The following TTBK1 variants were observed in gnomAD, a reference collection of about 807,000 sequenced individuals.
TTBK1 encodes the protein tau-tubulin kinase 1.
TTBK1 carries 34 observed loss-of-function variants against 108.5 expected under a neutral mutation model. The ratio of observed to expected loss-of-function variants is 0.31; its 90% CI spans 0.24 to 0.42. The LOEUF is 0.42. Among genes scored for constraint, TTBK1 ranks in the 10% least tolerant of loss-of-function variants. The probability of loss-of-function intolerance (pLI) is 1.00; values close to 1 mark genes in which losing one functional copy is unlikely to be tolerated. For synonymous variants in TTBK1, 809 were observed against 795.1 expected (o/e 1.02, Z -0.29); for missense variants, 1,539 against 1,826.0 (o/e 0.84, Z 2.86).
At position 43,253,866 on chromosome 6, in the gene TTBK1, C is replaced by T. The variant is rs1368983075; in HGVS notation, c.471+158C>T. Among the ~76,000 whole-genome samples, 1 of 152,192 alleles carries T rather than the reference C, an allele frequency of 6.6e-6. No homozygotes were observed. The highest frequency in any genetic ancestry group is 2.4e-5 in the African/African-American group (1 of 41,438). On this transcript the variant is annotated intron_variant, in intron 5 of 14. Coordinates refer to ENST00000259750, the MANE Select transcript of TTBK1 (RefSeq NM_032538.3). The surrounding 1 kb of genome is among the most constrained non-coding windows in gnomAD (Gnocchi z 5.8). ...CCCTCCTGCTCTCCTTCCCAGGCCC[C>T]ATCTCTTCCTCTCCCGTGCTCCCCA...
intron 13 of TTBK1, among the ~76,000 whole-genome samples, chr6:43,277,523 C>G (rs554593852): frequency 6.6e-6 from 1 of 152,376 alleles, no homozygotes; most frequent in African/African-American, 2.4e-5. Flanking sequence ...AAGACGCCCC[C>G]CACAGGCTGT....
At chr6:43,252,654 A>C (rs1777276093) in intron 2 of TTBK1, 85 bp from the exon 3 acceptor site, 2 of 1,486,746 alleles carry the variant, frequency 1.3e-6, no homozygotes, top group Admixed American at 4.1e-5. Flanking sequence ...CTTCCCCACC[A>C]ATGAAGGATG....
In TTBK1 at chr6:43,283,830, G is replaced by A. The variant is rs771170940; in HGVS notation, c.3090G>A (p.Leu1030=). The change falls in exon 14 of 15, where the codon CTG becomes CTA. Residue 1030 remains leucine (L), a synonymous_variant. Coordinates refer to ENST00000259750, the MANE Select transcript of TTBK1 (RefSeq NM_032538.3). This position sits in a 1 kb window ranked among gnomAD's most constrained non-coding sequence, Gnocchi z 8.1. ...LADGPAPVSP[L]EPSPEKVATI... is the part of the protein sequence containing the mutation. The stretch of plus-strand genomic sequence containing the variant: ...ACGGGCCAGCCCCGGTGTCCCCGCT[G>A]GAGCCAAGCCCTGAGAAAGTGGCCA... The A allele has an allele frequency of 2.5e-6, 4 of 1,611,434 alleles. No homozygotes were observed. The highest frequency in any genetic ancestry group is 3.4e-6 in the Non-Finnish European group (4 of 1,178,692).
intron 10 of TTBK1, 93 bp from the exon 11 acceptor site, chr6:43,258,945 G>A (rs943480082): frequency 1.1e-6 from 1 of 875,724 alleles, no homozygotes; most frequent in African/African-American, 1.7e-5. Flanking sequence ...CGCTCCTGGG[G>A]GTGGTCTCCA....
chr6:43,285,358 C>A lies in TTBK1; in HGVS notation c.3948C>A (p.Gly1316=). Residue 1316 remains glycine (G), a synonymous_variant, in exon 15 of 15, where the codon GGC becomes GGA. Coordinates refer to ENST00000259750, the MANE Select transcript of TTBK1 (RefSeq NM_032538.3). This position sits in a 1 kb window ranked among gnomAD's most constrained non-coding sequence, Gnocchi z 4.7. ...AAGGCCGGGCAGGAGGCGCGGAGGGCCGGGCTGGGGCCAGATAATGACGCC... is the reference window on the plus strand; with the variant it reads ...AAGGCCGGGCAGGAGGCGCGGAGGGACGGGCTGGGGCCAGATAATGACGCC... The part of the protein sequence containing the change: ...TTKGRAGGAE[G]RAGAR 2.3e-6 allele frequency: 3 copies of A among 1,282,732 alleles called. No homozygotes were observed. The highest frequency in any genetic ancestry group is 2.9e-6 in the Non-Finnish European group (3 of 1,019,866). 79.5% of individuals were successfully genotyped at this position (1,282,732 alleles called of 1,614,324 possible). A position where few individuals can be genotyped will look rare whatever the true frequency, so the allele number is the denominator to read the frequency against.
In TTBK1 at chr6:43,257,905, C is replaced by T; in HGVS notation, c.955C>T (p.Leu319=). 6.2e-7 allele frequency: 1 copy of T among 1,613,990 alleles called. No homozygotes were observed. The highest frequency in any genetic ancestry group is 8.5e-7 in the Non-Finnish European group (1 of 1,180,014). ...GGAGAAGGCAGGCACCGATGCCCTC[C>T]TGTCCACGAGCACCTCTACCCCGCC... The part of the protein sequence containing the change: ...DWEKAGTDAL[L]STSTSTPPQQ... The change falls in exon 10 of 15, where the codon CTG becomes TTG. Residue 319 remains leucine (L), a synonymous_variant. Coordinates refer to ENST00000259750, the MANE Select transcript of TTBK1 (RefSeq NM_032538.3). This position sits in a 1 kb window ranked among gnomAD's most constrained non-coding sequence, Gnocchi z 4.5.
intron 13 of TTBK1, among the ~76,000 whole-genome samples, chr6:43,268,285 C>G (rs544004719): frequency 3.9e-5 from 6 of 152,330 alleles, no homozygotes; most frequent in Middle Eastern, 6.8e-3. Context: ...GTCCCTTGGC[C>G]TCTCTGGGTG....
In TTBK1 at chr6:43,263,251, G is replaced by C. The variant is rs56299659; in HGVS notation, c.1887G>C (p.Thr629=). 1 of 1,555,050 alleles carries C rather than the reference G, an allele frequency of 6.4e-7. No individual in the cohort carries two copies. The highest frequency in any genetic ancestry group is 8.7e-7 in the Non-Finnish European group (1 of 1,148,948). ...QLSQGDGRSE[T]SQPPTPGSPS... is the part of the protein sequence containing the mutation. Reference sequence around the variant, plus strand: ...GCCAGGGCGATGGCCGTTCCGAGACGTCACAGCCCCCCACGCCTGGCAGCC... The same window carrying C: ...GCCAGGGCGATGGCCGTTCCGAGACCTCACAGCCCCCCACGCCTGGCAGCC... The change falls in exon 13 of 15, where the codon ACG becomes ACC. Residue 629 remains threonine, a synonymous_variant. Transcript: ENST00000259750. This position sits in a 1 kb window ranked among gnomAD's most constrained non-coding sequence, Gnocchi z 4.7.
chr6:43,266,868 G>A (rs1057470242), intron 13 of TTBK1, among the ~76,000 whole-genome samples: 1 of 151,988 alleles, frequency 6.6e-6, no homozygotes, highest in Non-Finnish European at 1.5e-5. Context: ...TGCCTGCCTC[G>A]GCCTCCCAAA....
rs950960733 is a variant in TTBK1, at chr6:43,272,359, A to G, written c.1986+9009A>G. 4.1e-6 allele frequency: 4 copies of G among 985,358 alleles called. No homozygotes were observed. The African/African-American group carries it at 7.0e-5, about 17-fold the overall frequency. 61.0% of individuals were successfully genotyped at this position (985,358 alleles called of 1,614,324 possible). A position where few individuals can be genotyped will look rare whatever the true frequency, so the allele number is the denominator to read the frequency against. ...CAAAGTGCCTTGTGAAATATTGAAG[A>G]TGATGGCACTGGCTTCAGCCTCATT... On this transcript the variant is annotated intron_variant, in intron 13 of 14. Transcript: ENST00000259750.
chr6:43,268,871 A>T (rs745320790), intron 13 of TTBK1, among the ~76,000 whole-genome samples: 28 of 152,218 alleles, frequency 1.8e-4, no homozygotes, highest in Admixed American at 4.6e-4. Flanking sequence ...ATTTAAAATT[A>T]GATACTAAAA....
At position 43,282,991 on chromosome 6, in the gene TTBK1, G is replaced by C. The variant is rs571247018; in HGVS notation, c.2251G>C (p.Glu751Gln). 8 of 1,544,452 alleles carry C rather than the reference G, an allele frequency of 5.2e-6. No homozygotes were observed. The highest frequency in any genetic ancestry group is 7.0e-6 in the Non-Finnish European group (8 of 1,149,430). ...GGAAGAGGAAGAAGAGGATGAGGAA[G>C]AAGAAGAGGAGGAAGAGGAAGAGGA... is the stretch of plus-strand genomic sequence containing the variant. ...DEEEEEEDEE[E>Q]EEEEEEEEEE... The change falls in exon 14 of 15, where the codon GAA (glutamate) becomes CAA (glutamine). Residue 751 changes from glutamate to glutamine, a missense_variant. Physicochemically the swap from Glu to Gln is conservative, Grantham distance 29 (BLOSUM62 2). Transcript: ENST00000259750. The surrounding 1 kb of genome is among the most constrained non-coding windows in gnomAD (Gnocchi z 5.4).
Position 43,283,254 on chromosome 6 carries a change from T to C in TTBK1, c.2514T>C (p.Leu838=), listed in dbSNP as rs1778236924. 6.4e-7 allele frequency: 1 copy of C among 1,554,072 alleles called. No homozygotes were observed. Among genetic ancestry groups the C allele is most frequent in the Non-Finnish European group, 8.7e-7 (1 of 1,149,154 alleles). Residue 838 remains leucine, a synonymous_variant, in exon 14 of 15, where the codon CTT becomes CTC. Transcript: ENST00000259750. The surrounding 1 kb of genome is among the most constrained non-coding windows in gnomAD (Gnocchi z 8.1). ...AGGAGGGCTCCAAAACGCTGGTGCTTGTCTCTCCTGGCGACATGAAGAAGT... is the reference window on the plus strand; with the variant it reads ...AGGAGGGCTCCAAAACGCTGGTGCTCGTCTCTCCTGGCGACATGAAGAAGT... ...EPEEGSKTLV[L]VSPGDMKKSP... is the part of the protein sequence containing the mutation.
At chr6:43,270,508 G>T (rs920853517) in intron 13 of TTBK1, 3 of 987,862 alleles carry the variant, frequency 3.0e-6, no homozygotes, top group Non-Finnish European at 3.6e-6. Context: ...ATGTGGTGGG[G>T]AGTGTTTCAA....
At position 43,276,556 on chromosome 6, in the gene TTBK1, C is replaced by A. The variant is rs1299254316; in HGVS notation, c.1987-6171C>A. On this transcript the variant is annotated intron_variant, in intron 13 of 14. Coordinates refer to ENST00000259750, the MANE Select transcript of TTBK1 (RefSeq NM_032538.3). The surrounding 1 kb of genome is among the most constrained non-coding windows in gnomAD (Gnocchi z 5.4). ...GGGGAGGGGGCGCCCCGCCGTCACG[C>A]GTCGCTGTGCGAGGGATTTTGTGCC... Among the ~76,000 whole-genome samples, 2 of 152,246 alleles carry A rather than the reference C, an allele frequency of 1.3e-5. No individual in the cohort carries two copies. The highest frequency in any genetic ancestry group is 2.9e-5 in the Non-Finnish European group (2 of 68,030).
intron 2 of TTBK1, among the ~76,000 whole-genome samples, chr6:43,248,384 G>A (rs1413412667): frequency 1.3e-5 from 2 of 152,060 alleles, no homozygotes; most frequent in African/African-American, 4.8e-5. Context: ...GATCTTGGTG[G>A]CCAGAAGAAA....
chr6:43,282,624 C>A lies in TTBK1; in HGVS notation c.1987-103C>A, dbSNP rs1248953138. On this transcript the variant is annotated intron_variant, in intron 13 of 14. Coordinates refer to ENST00000259750, the MANE Select transcript of TTBK1 (RefSeq NM_032538.3). This position sits in a 1 kb window ranked among gnomAD's most constrained non-coding sequence, Gnocchi z 5.4. ...TTTATGGAGCTCACACTCTGGTAGACGACCTGGGCCTGTGAGTCTCCTAGG... is the reference window on the plus strand; with the variant it reads ...TTTATGGAGCTCACACTCTGGTAGAAGACCTGGGCCTGTGAGTCTCCTAGG... 2.1e-6 allele frequency: 2 copies of A among 953,322 alleles called. No homozygotes were observed. The highest frequency in any genetic ancestry group is 3.2e-6 in the Non-Finnish European group (2 of 621,824). The allele number at this position is 953,322 out of a possible 1,614,324, so 59.1% of individuals were successfully genotyped here.
chr6:43,259,781 T>C lies in TTBK1; in HGVS notation c.1424+75T>C, dbSNP rs1777489397. 7.1e-7 allele frequency: 1 copy of C among 1,408,576 alleles called. No homozygotes were observed. Among genetic ancestry groups the C allele is most frequent in the Non-Finnish European group, 9.4e-7 (1 of 1,060,050 alleles). 87.3% of individuals were successfully genotyped at this position (1,408,576 alleles called of 1,614,324 possible). ...TCACGTGGCTGGTCTGGAGGAAAAG[T>C]TAGATGTGTGGCGGAGGTGGGCAGA... On this transcript the variant is annotated intron_variant, in intron 12 of 14. Transcript: ENST00000259750. This position sits in a 1 kb window ranked among gnomAD's most constrained non-coding sequence, Gnocchi z 6.7.
intron 13 of TTBK1, chr6:43,270,821 C>T (rs944395930): frequency 4.1e-6 from 4 of 985,344 alleles, no homozygotes; most frequent in African/African-American, 3.5e-5. Context: ...TTAAGGATGA[C>T]GTGAGAAACC....
Sources: allele counts gnomAD v4.1 joint callset (sites outside exome capture counted in the v4.1 genomes callset), GRCh38; gene constraint gnomAD v4.1.1; non-coding constraint Gnocchi (gnomAD v3.1); transcripts MANE v1.5; gene names NCBI Gene and HGNC (gene_info 2026-07-23, HGNC 2026-07-21).